SUPT3H: variants seen among roughly 807,000 people sequenced by gnomAD.
SUPT3H encodes transcription initiation protein SPT3 homolog.
Under a neutral mutation model 44.3 loss-of-function variants are expected in SUPT3H, and 44 were observed. That is an observed-to-expected ratio of 0.99 (90% CI 0.78 to 1.28). The LOEUF is 1.28. Ranked by LOEUF, SUPT3H falls within the 50% of genes most tolerant of loss-of-function variation. The probability of loss-of-function intolerance (pLI) is 0.00; values close to 1 mark genes in which losing one functional copy is unlikely to be tolerated. For missense variants in SUPT3H, 380 were observed against 387.1 expected (o/e 0.98, Z 0.15); for synonymous variants, 124 against 125.6 (o/e 0.99, Z 0.09).
intron 3 of SUPT3H, among the ~76,000 whole-genome samples, chr6:45,062,655 C>T (rs7763973): frequency 6.6e-6 from 1 of 151,876 alleles, no homozygotes; most frequent in Non-Finnish European, 1.5e-5. Flanking sequence ...CTGGGAAGCG[C>T]GAGGGGTCAG....
chr6:45,192,409 GT>G lies in SUPT3H; in HGVS notation c.102-86404del, dbSNP rs536453069. ...AATTATATTCTTTGAAATGAGAATGGTTAACTTGGGATCAGATGAAAATGAA... is the reference window on the plus strand; with the variant it reads ...AATTATATTCTTTGAAATGAGAATGGTAACTTGGGATCAGATGAAAATGAA... On this transcript the variant is annotated intron_variant, in intron 2 of 10. Transcript: ENST00000371459. Among the ~76,000 whole-genome samples the G allele has an allele frequency of 5.4e-4, 82 of 152,186 alleles. 1 individual carries two copies. The highest frequency in any genetic ancestry group is 1.9e-3 in the African/African-American group (81 of 41,550).
intron 2 of SUPT3H, among the ~76,000 whole-genome samples, chr6:45,242,747 A>C (rs1770603513): frequency 6.6e-6 from 1 of 152,232 alleles, no homozygotes; most frequent in South Asian, 2.1e-4. Context: ...AAATCTAGAA[A>C]GTCAAAAACA....
At chr6:45,364,068 T>C (rs1581923215) in intron 2 of SUPT3H, among the ~76,000 whole-genome samples, 4 of 151,474 alleles carry the variant, frequency 2.6e-5, no homozygotes, top group Admixed American at 1.3e-4. Flanking sequence ...TGAGCCAAGA[T>C]TGTGCCACTG....
intron 2 of SUPT3H, among the ~76,000 whole-genome samples, chr6:45,268,193 A>T (rs1387693811): frequency 6.6e-6 from 1 of 152,206 alleles, no homozygotes; most frequent in Non-Finnish European, 1.5e-5. Flanking sequence ...TCCTGCTGCT[A>T]TGACATGACA....
At chr6:45,253,408 C>T (rs868568032) in intron 2 of SUPT3H, among the ~76,000 whole-genome samples, 1 of 152,134 alleles carries the variant, frequency 6.6e-6, no homozygotes, top group East Asian at 1.9e-4. Context: ...GAAGTGCCCT[C>T]CGAAGAAAAC....
rs76022710 is a variant in SUPT3H, at chr6:45,107,232, T to C, written c.102-1226A>G. Among the ~76,000 whole-genome samples the C allele has an allele frequency of 7.6e-3, 1,151 of 152,090 alleles. 21 individuals are homozygous for C. The highest frequency in any genetic ancestry group is 0.026 in the African/African-American group (1,091 of 41,486). ...AAGACAAAACCAAAGTCAGACAAGATGAAAAAAAGAGTTCTATAATAGAGT... is the reference window on the plus strand; with the variant it reads ...AAGACAAAACCAAAGTCAGACAAGACGAAAAAAAGAGTTCTATAATAGAGT... On this transcript the variant is annotated intron_variant, in intron 2 of 10. Transcript: ENST00000371459.
At chr6:45,316,454 A>T (rs1784720315) in intron 2 of SUPT3H, among the ~76,000 whole-genome samples, 1 of 152,104 alleles carries the variant, frequency 6.6e-6, no homozygotes, top group Non-Finnish European at 1.5e-5. Flanking sequence ...ATTAGATAAG[A>T]GAAAGAAATA....
intron 3 of SUPT3H, among the ~76,000 whole-genome samples, chr6:45,063,120 G>T (rs9472431): frequency 2.2e-5 from 3 of 133,790 alleles, no homozygotes; most frequent in African/African-American, 8.6e-5. Context: ...ATCTGAGAAC[G>T]GGCAGACTGC....
intron 10 of SUPT3H, among the ~76,000 whole-genome samples, chr6:44,927,688 A>G (rs1403193020): frequency 6.6e-6 from 1 of 152,216 alleles, no homozygotes; most frequent in African/African-American, 2.4e-5. Context: ...AAACAATTAT[A>G]TTCTTTAGCC....
chr6:45,284,589 G>A (rs1272091694), intron 2 of SUPT3H, among the ~76,000 whole-genome samples: 1 of 152,154 alleles, frequency 6.6e-6, no homozygotes, highest in South Asian at 2.1e-4. Flanking sequence ...CTCTGAAATA[G>A]AGGCAATAAT....
intron 2 of SUPT3H, among the ~76,000 whole-genome samples, chr6:45,337,672 C>A (rs1273525725): frequency 6.6e-6 from 1 of 151,494 alleles, no homozygotes; most frequent in Non-Finnish European, 1.5e-5. Flanking sequence ...ATCCTCAGAG[C>A]AAAACATTTT....
intron 2 of SUPT3H, among the ~76,000 whole-genome samples, chr6:45,193,371 A>C (rs898025642): frequency 6.6e-6 from 1 of 152,174 alleles, no homozygotes; most frequent in Non-Finnish European, 1.5e-5. Flanking sequence ...TTTCATTAAG[A>C]ATCTTTGACT....
At chr6:44,937,723 T>TTAAAATATTTTTTTATGTTTTAAAATA (rs1771696038) in intron 9 of SUPT3H, among the ~76,000 whole-genome samples, 1 of 151,924 alleles carries the variant, frequency 6.6e-6, no homozygotes, top group Non-Finnish European at 1.5e-5. Context: ...TCGGTATGTC[T>TTAAAATATTTTTTTATGTTTTAAAATA]TATTTTAAAA....
chr6:45,068,317 G>A (rs1182419353), intron 3 of SUPT3H, among the ~76,000 whole-genome samples: 3 of 115,560 alleles, frequency 2.6e-5, no homozygotes, highest in Non-Finnish European at 5.3e-5. Context: ...CTGTGGTGGG[G>A]TGGGGGGAGG....
At chr6:44,892,943 T>G (rs1266972647) in intron 10 of SUPT3H, among the ~76,000 whole-genome samples, 1 of 151,920 alleles carries the variant, frequency 6.6e-6, no homozygotes, top group African/African-American at 2.4e-5. Flanking sequence ...ACTTTACTCT[T>G]TTTTTTTAAA....
chr6:45,365,924 T>C (rs1038778681), intron 1 of SUPT3H, among the ~76,000 whole-genome samples: 1 of 152,102 alleles, frequency 6.6e-6, no homozygotes, highest in African/African-American at 2.4e-5. Context: ...TACTCAATTT[T>C]AAATGTGACA....
At chr6:45,233,053 G>A (rs184254088) in intron 2 of SUPT3H, among the ~76,000 whole-genome samples, 1 of 152,230 alleles carries the variant, frequency 6.6e-6, no homozygotes, top group East Asian at 1.9e-4. Flanking sequence ...ATTTCAGCTG[G>A]GGGCAGGGTC....
chr6:45,094,696 A>C (rs183858193), intron 3 of SUPT3H, among the ~76,000 whole-genome samples: 32 of 152,238 alleles, frequency 2.1e-4, no homozygotes, highest in Non-Finnish European at 4.3e-4. Context: ...TTTTAAAAAG[A>C]CAATTGTATT....
At chr6:45,020,484 C>G (rs1165034392) in intron 4 of SUPT3H, 62 bp downstream of exon 4, 1 of 1,257,618 alleles carries the variant, frequency 8.0e-7, no homozygotes, top group Non-Finnish European at 1.1e-6. Context: ...TATATAGTTT[C>G]CACATGCAAG....
Sources: allele counts gnomAD v4.1 joint callset (sites outside exome capture counted in the v4.1 genomes callset), GRCh38; gene constraint gnomAD v4.1.1; transcripts MANE v1.5; gene names NCBI Gene and HGNC (gene_info 2026-07-23, HGNC 2026-07-21).